The following BABAM2 variants were observed in gnomAD, a reference collection of about 807,000 sequenced individuals.
BABAM2 encodes BRISC and BRCA1 A complex member 2, also known as BRISC and BRCA1-A complex member 2.
Under a neutral mutation model 54.7 loss-of-function variants are expected in BABAM2, and 31 were observed. The ratio of observed to expected loss-of-function variants is 0.57; its 90% CI spans 0.43 to 0.77. The LOEUF (loss-of-function observed/expected upper bound fraction) is 0.77. Among genes scored for constraint, BABAM2 ranks in the 30% least tolerant of loss-of-function variants. The probability of loss-of-function intolerance (pLI) is 0.00; values close to 1 mark genes in which losing one functional copy is unlikely to be tolerated. For missense variants in BABAM2, 364 were observed against 455.8 expected, an observed-to-expected ratio of 0.80 and a Z score of 1.83; for synonymous variants, 167 against 162.9, an observed-to-expected ratio of 1.03 and a Z score of -0.19.
intron 7 of BABAM2, among the ~76,000 whole-genome samples, chr2:28,157,488 A>G (rs1672656621): frequency 6.6e-6 from 1 of 152,252 alleles, no homozygotes; most frequent in South Asian, 2.1e-4. Context: ...AAGCTTTGAT[A>G]GCAGCAAAAA....
At chr2:27,992,056 G>C (rs891713689) in intron 4 of BABAM2, among the ~76,000 whole-genome samples, 12 of 152,122 alleles carry the variant, frequency 7.9e-5, no homozygotes, top group African/African-American at 2.7e-4. Context: ...ATCCTAGTGG[G>C]TATGAAGTGG....
At chr2:27,934,563 A>C (rs912315552) in intron 3 of BABAM2, among the ~76,000 whole-genome samples, 1 of 152,220 alleles carries the variant, frequency 6.6e-6, no homozygotes, top group African/African-American at 2.4e-5. Context: ...AAAAGCTAGA[A>C]ATGATGAAGT....
intron 11 of BABAM2, among the ~76,000 whole-genome samples, chr2:28,321,929 G>C (rs1003187927): frequency 1.3e-5 from 2 of 150,442 alleles, no homozygotes; most frequent in African/African-American, 4.9e-5. Flanking sequence ...TATTTATTCT[G>C]ATAAAGTGAG....
chr2:27,953,218 T>C (rs979516510), intron 3 of BABAM2, among the ~76,000 whole-genome samples: 39 of 152,198 alleles, frequency 2.6e-4, no homozygotes, highest in Admixed American at 1.8e-3. Context: ...GCTTGCTCTG[T>C]CGCCCAGGCT....
At chr2:28,254,586 A>G (rs778963627) in intron 10 of BABAM2, among the ~76,000 whole-genome samples, 2 of 152,024 alleles carry the variant, frequency 1.3e-5, no homozygotes, top group African/African-American at 4.8e-5. Context: ...GTGAACCGCT[A>G]TCACCCATAT....
intron 5 of BABAM2, among the ~76,000 whole-genome samples, chr2:28,025,914 C>T (rs1051616689): frequency 1.3e-5 from 2 of 152,188 alleles, no homozygotes; most frequent in African/African-American, 4.8e-5. Context: ...CAGACCTTAT[C>T]ACTTCTCTTC....
At chr2:28,108,311 A>G (rs1010023363) in intron 6 of BABAM2, among the ~76,000 whole-genome samples, 2 of 152,190 alleles carry the variant, frequency 1.3e-5, no homozygotes, top group Admixed American at 6.5e-5. Context: ...AATCATTCCA[A>G]TGTGAACTAG....
chr2:28,073,750 A>G (rs1664385023), intron 6 of BABAM2, among the ~76,000 whole-genome samples: 1 of 152,128 alleles, frequency 6.6e-6, no homozygotes, highest in Non-Finnish European at 1.5e-5. Flanking sequence ...ATTGTATAGG[A>G]TTCTGGATTC....
intron 10 of BABAM2, among the ~76,000 whole-genome samples, chr2:28,280,092 T>G (rs1432297247): frequency 1.3e-5 from 2 of 151,816 alleles, no homozygotes; most frequent in Admixed American, 6.6e-5. Context: ...GGAGTCTTGA[T>G]CTGTTGCCCA....
chr2:28,056,532 A>G (rs988226127), intron 6 of BABAM2, among the ~76,000 whole-genome samples: 11 of 152,006 alleles, frequency 7.2e-5, no homozygotes, highest in Admixed American at 6.6e-4. Context: ...ATGTAGGTGT[A>G]TCTCAAATGA....
At chr2:28,338,315 GA>G in intron 11 of BABAM2, 134 bp from the exon 12 acceptor site, 1 of 808,428 alleles carries the variant, frequency 1.2e-6, no homozygotes, top group South Asian at 1.5e-5. Context: ...CCTCAGCAGA[GA>G]AGGCAAATCC....
intron 3 of BABAM2, among the ~76,000 whole-genome samples, chr2:27,944,069 G>T (rs1669117684): frequency 6.6e-6 from 1 of 151,910 alleles, no homozygotes; most frequent in Non-Finnish European, 1.5e-5. Context: ...ATCTGTCTTT[G>T]GTACTGATTA....
intron 10 of BABAM2, among the ~76,000 whole-genome samples, chr2:28,294,379 CAAAA>C (rs113383946): frequency 1.1e-5 from 1 of 93,080 alleles, no homozygotes. Flanking sequence ...GACTCCATCT[CAAAA>C]AAAAAAAAAA....
chr2:28,272,375 A>G (rs1181192915), intron 10 of BABAM2, among the ~76,000 whole-genome samples: 1 of 152,228 alleles, frequency 6.6e-6, no homozygotes, highest in African/African-American at 2.4e-5. Context: ...AAATCCTTTA[A>G]AACTTGTAGC....
chr2:28,127,509 G>A (rs1397360487), intron 6 of BABAM2, among the ~76,000 whole-genome samples: 4 of 152,080 alleles, frequency 2.6e-5, no homozygotes, highest in Non-Finnish European at 4.4e-5. Context: ...GGGGAGGAGC[G>A]AGAGGAGAGG....
At chr2:28,081,258 T>C (rs1334231197) in intron 6 of BABAM2, among the ~76,000 whole-genome samples, 5 of 152,188 alleles carry the variant, frequency 3.3e-5, no homozygotes, top group African/African-American at 1.2e-4. Flanking sequence ...CTGCATGTGC[T>C]TCTTCTCACA....
At chr2:28,095,618 A>C (rs531423897) in intron 6 of BABAM2, among the ~76,000 whole-genome samples, 7 of 152,338 alleles carry the variant, frequency 4.6e-5, no homozygotes, top group Non-Finnish European at 8.8e-5. Context: ...AATGTAGGAT[A>C]TGGAGAGATA....
chr2:28,165,940 T>G (rs1558398717), intron 7 of BABAM2, among the ~76,000 whole-genome samples: 2 of 152,156 alleles, frequency 1.3e-5, no homozygotes, highest in Non-Finnish European at 2.9e-5. Flanking sequence ...AATATAACTG[T>G]TTTTGGAGAT....
At chr2:27,936,391 G>A (rs554398832) in intron 3 of BABAM2, among the ~76,000 whole-genome samples, 29 of 152,156 alleles carry the variant, frequency 1.9e-4, no homozygotes, top group Non-Finnish European at 2.9e-4. Context: ...ACAGTGTGGC[G>A]ATTCCCCAGG....
Sources: gnomAD v4.1 joint callset for allele counts (sites outside exome capture counted in the v4.1 genomes callset) on GRCh38, gnomAD v4.1.1 for gene constraint, MANE v1.5 for transcripts, NCBI Gene and HGNC (gene_info 2026-07-23, HGNC 2026-07-21) for gene names.